Variants in SND1 observed in about 807,000 individuals in gnomAD.
SND1 encodes staphylococcal nuclease domain-containing protein 1.
In SND1, 38 loss-of-function variants were observed where a neutral mutation model predicts 121.7. The observed-to-expected ratio is 0.31, with a 90% CI of 0.24 to 0.41. SND1 has a LOEUF of 0.41. Among genes scored for constraint, SND1 ranks in the 10% least tolerant of loss-of-function variants. The pLI, the probability that SND1 is intolerant of heterozygous loss-of-function variation, is 1.00. For synonymous variants in SND1, 401 were observed against 447.4 expected, an observed-to-expected ratio of 0.90 and a Z score of 1.31; for missense variants, 868 against 1,184.6, an observed-to-expected ratio of 0.73 and a Z score of 3.92.
At chr7:127,996,148 A>T (rs2402873) in intron 16 of SND1, among the ~76,000 whole-genome samples, 9,184 of 151,968 alleles carry the variant, frequency 0.06, 832 homozygotes, top group African/African-American at 0.19. Context: ...TTTAAAAAAA[A>T]AAAAAAGGTA....
chr7:128,028,504 A>G (rs1314443187), intron 16 of SND1: 1 of 647,750 alleles, frequency 1.5e-6, no homozygotes, highest in Non-Finnish European at 2.5e-6. Context: ...CAAGTTAGAA[A>G]ATATTTTTGT....
intron 14 of SND1, among the ~76,000 whole-genome samples, chr7:127,925,022 A>G (rs1372463093): frequency 6.6e-6 from 1 of 152,224 alleles, no homozygotes; most frequent in East Asian, 1.9e-4. Context: ...AGTTTGAGAT[A>G]TAGATACTAA....
chr7:127,798,808 G>T (rs1390309438), intron 10 of SND1, among the ~76,000 whole-genome samples: 2 of 152,246 alleles, frequency 1.3e-5, no homozygotes, highest in East Asian at 3.9e-4. Flanking sequence ...TCTTTGAAAG[G>T]CTGAGGCGGG....
intron 10 of SND1, among the ~76,000 whole-genome samples, chr7:127,783,932 T>C (rs1797768658): frequency 6.6e-6 from 1 of 152,214 alleles, no homozygotes; most frequent in African/African-American, 2.4e-5. Flanking sequence ...ATAGGAAACA[T>C]GTTAAATGGA....
At chr7:127,761,043 T>C (rs1797296925) in intron 10 of SND1, among the ~76,000 whole-genome samples, 1 of 152,242 alleles carries the variant, frequency 6.6e-6, no homozygotes, top group Non-Finnish European at 1.5e-5. Context: ...TCTCCATATA[T>C]ACCTTAACTA....
intron 14 of SND1, among the ~76,000 whole-genome samples, chr7:127,913,248 AT>A: frequency 6.6e-6 from 1 of 152,264 alleles, no homozygotes; most frequent in Non-Finnish European, 1.5e-5. Context: ...CGTGGATTCT[AT>A]TATCAGGAAA....
At chr7:127,935,054 T>C (rs774614657) in intron 15 of SND1, among the ~76,000 whole-genome samples, 1 of 152,090 alleles carries the variant, frequency 6.6e-6, no homozygotes, top group Non-Finnish European at 1.5e-5. Flanking sequence ...ATATAAAAAC[T>C]GTAAAGGGCT....
At chr7:128,028,485 T>C (rs1224048468) in intron 16 of SND1, 3 of 519,150 alleles carry the variant, frequency 5.8e-6, no homozygotes, top group African/African-American at 1.9e-5. Flanking sequence ...CCCCTTTAAA[T>C]AGAACTTACA....
intron 1 of SND1, among the ~76,000 whole-genome samples, chr7:127,664,854 T>C (rs923463440): frequency 6.6e-6 from 1 of 152,178 alleles, no homozygotes; most frequent in Non-Finnish European, 1.5e-5. Flanking sequence ...GAGGATTGCT[T>C]GGTGTGGAAA....
At chr7:127,702,287 GATCTGCAAGTGC>G in intron 5 of SND1, 136 bp from the exon 6 acceptor site, 1 of 664,874 alleles carries the variant, frequency 1.5e-6, no homozygotes, top group East Asian at 2.7e-5. Flanking sequence ...AAACTCTCAT[GATCTGCAAGTGC>G]ATCCTTACTT....
chr7:127,883,419 A>G (rs1799833358), intron 12 of SND1, among the ~76,000 whole-genome samples: 1 of 152,186 alleles, frequency 6.6e-6, no homozygotes, highest in Non-Finnish European at 1.5e-5. Flanking sequence ...TAATTTGTCT[A>G]AAACTGTCCA....
rs181947084 is a variant in SND1 at position 127,874,971 on chromosome 7, G to A, written c.1344-12931G>A. On this transcript the variant is annotated intron_variant, in intron 12 of 23. Transcript: ENST00000354725. ...TTTACAGAATTATAAAAGCACAGCA[G>A]TGTAATAAAGGGAAACAGGCTAAGA... is the stretch of plus-strand genomic sequence containing the variant. Among the ~76,000 whole-genome samples the A allele has an allele frequency of 4.6e-5, 7 of 152,236 alleles. No individual in the cohort carries two copies. In the East Asian group the frequency reaches 9.7e-4, roughly 21 times the overall value.
intron 14 of SND1, among the ~76,000 whole-genome samples, chr7:127,905,891 CA>C (rs762492175): frequency 6.6e-6 from 1 of 152,138 alleles, no homozygotes; most frequent in Non-Finnish European, 1.5e-5. Context: ...CTAGTATAAA[CA>C]AAAGTGCTAG....
chr7:127,668,718 C>T (rs1795462013), intron 1 of SND1, among the ~76,000 whole-genome samples: 1 of 152,178 alleles, frequency 6.6e-6, no homozygotes, highest in Non-Finnish European at 1.5e-5. Flanking sequence ...ACTGCACTCA[C>T]AGCTGCTTTG....
chr7:127,852,490 T>TAAAAAAAAA (rs779324036), intron 12 of SND1, among the ~76,000 whole-genome samples: 1 of 83,938 alleles, frequency 1.2e-5, no homozygotes. Context: ...AGACTCCCTC[T>TAAAAAAAAA]AAAAAAAAAA....
At chr7:128,002,284 C>CCGG (rs1802854808) in intron 16 of SND1, among the ~76,000 whole-genome samples, 1 of 152,190 alleles carries the variant, frequency 6.6e-6, no homozygotes, top group African/African-American at 2.4e-5. Context: ...TTAACGGAAA[C>CCGG]CTATTTTCCA....
chr7:128,029,410 A>C lies in SND1; in HGVS notation c.1779+38354A>C. On this transcript the variant is annotated intron_variant, in intron 16 of 23. Transcript: ENST00000354725. The surrounding 1 kb of genome is among the most constrained non-coding windows in gnomAD (Gnocchi z 4.2). Reference sequence around the variant, plus strand: ...GTGTCTGAAAGCAGCACGTGGGAAAAGTTCAAGGTGCCGTCGTTGAGGACA... The same window carrying C: ...GTGTCTGAAAGCAGCACGTGGGAAACGTTCAAGGTGCCGTCGTTGAGGACA... The C allele has an allele frequency of 6.2e-7, 1 of 1,614,172 alleles. No individual in the cohort carries two copies. The highest frequency in any genetic ancestry group is 8.5e-7 in the Non-Finnish European group (1 of 1,180,042).
At chr7:127,904,154 A>G (rs1800287898) in intron 13 of SND1, among the ~76,000 whole-genome samples, 1 of 152,214 alleles carries the variant, frequency 6.6e-6, no homozygotes, top group African/African-American at 2.4e-5. Context: ...GCAGAGTCCC[A>G]GAGTTCCCTG....
At chr7:128,018,389 TAC>T (rs1157841545) in intron 16 of SND1, among the ~76,000 whole-genome samples, 2 of 152,306 alleles carry the variant, frequency 1.3e-5, no homozygotes, top group East Asian at 3.9e-4. Context: ...ACATGCTGTG[TAC>T]ACACAGATGG....
Sources: gnomAD v4.1 joint callset for allele counts (sites outside exome capture counted in the v4.1 genomes callset) on GRCh38, gnomAD v4.1.1 for gene constraint, Gnocchi (gnomAD v3.1) non-coding constraint, MANE v1.5 for transcripts, NCBI Gene and HGNC (gene_info 2026-07-23, HGNC 2026-07-21) for gene names.